HNF4G: variants seen among roughly 807,000 people sequenced by gnomAD.
HNF4G encodes hepatocyte nuclear factor 4-gamma.
A neutral mutation model predicts 50.9 loss-of-function variants in HNF4G; 21 were observed. The ratio of observed to expected loss-of-function variants is 0.41; its 90% confidence interval spans 0.29 to 0.59. The LOEUF (loss-of-function observed/expected upper bound fraction) is 0.59, where lower values mean the gene tolerates loss of function less well. HNF4G is among the 20% of genes least tolerant of loss of function. The pLI is 0.26. For synonymous variants in HNF4G, 198 were observed against 185.6 expected (o/e 1.07, Z -0.54); for missense variants, 527 against 559.4 (o/e 0.94, Z 0.58).
chr8:75,435,460 G>A (rs1173597640), intron 1 of HNF4G, among the ~76,000 whole-genome samples: 1 of 152,112 alleles, frequency 6.6e-6, no homozygotes, highest in East Asian at 1.9e-4. Flanking sequence ...ATTCCATGGT[G>A]AAACATTAAA....
intron 1 of HNF4G, among the ~76,000 whole-genome samples, chr8:75,425,377 C>T (rs371638161): frequency 1.3e-5 from 2 of 151,666 alleles, no homozygotes; most frequent in African/African-American, 4.8e-5. Flanking sequence ...AGCCACCGCG[C>T]CCAGCCCAAT....
At chr8:75,474,704 CAAATAAT>C (rs1221237986) in intron 1 of HNF4G, among the ~76,000 whole-genome samples, 4 of 151,884 alleles carry the variant, frequency 2.6e-5, no homozygotes, top group South Asian at 2.1e-4. Context: ...TTTTTTAATA[CAAATAAT>C]AAATATTATT....
intron 1 of HNF4G, among the ~76,000 whole-genome samples, chr8:75,440,435 C>T (rs1202176790): frequency 1.3e-5 from 2 of 152,172 alleles, no homozygotes; most frequent in South Asian, 4.1e-4. Context: ...TTAGCTTTAA[C>T]AACACCAACT....
chr8:75,429,646 C>T (rs531558475), intron 1 of HNF4G, among the ~76,000 whole-genome samples: 31 of 152,254 alleles, frequency 2.0e-4, no homozygotes, highest in East Asian at 5.8e-4. Flanking sequence ...AAGATCATGA[C>T]GTTTCATAAA....
intron 1 of HNF4G, among the ~76,000 whole-genome samples, chr8:75,475,064 A>G (rs1323174616): frequency 6.6e-6 from 1 of 151,270 alleles, no homozygotes; most frequent in South Asian, 2.1e-4. Context: ...GCTGGAGTGC[A>G]GTGGTGTGAT....
At chr8:75,466,549 T>C (rs1445057490) in intron 1 of HNF4G, among the ~76,000 whole-genome samples, 2 of 145,468 alleles carry the variant, frequency 1.4e-5, no homozygotes, top group Non-Finnish European at 3.0e-5. Context: ...CTCCTCCTCC[T>C]TCTTCTCTTC....
At position 75,558,930 on chromosome 8, in the gene HNF4G, T is replaced by A; in HGVS notation, c.1016T>A (p.Leu339Gln). ...AGGTTTGGAGAGTTGCTTCTGCTCCTGCCCACACTGCAGAGCATCACGTGG... is the reference window on the plus strand; with the variant it reads ...AGGTTTGGAGAGTTGCTTCTGCTCCAGCCCACACTGCAGAGCATCACGTGG... ...RGRFGELLLL[L>Q]PTLQSITWQM... Residue 339 changes from leucine (L) to glutamine (Q), a missense_variant, in exon 8 of 10, where the codon CTG becomes CAG. Transcript: ENST00000396423. The A allele has an allele frequency of 6.2e-7, 1 of 1,613,974 alleles. No individual in the cohort carries two copies. The highest frequency in any genetic ancestry group is 8.5e-7 in the Non-Finnish European group (1 of 1,179,848).
At chr8:75,420,980 G>C (rs942176360) in intron 1 of HNF4G, among the ~76,000 whole-genome samples, 2 of 152,190 alleles carry the variant, frequency 1.3e-5, no homozygotes, top group African/African-American at 4.8e-5. Flanking sequence ...ACTGGACAAT[G>C]AAAGTATAAT....
chr8:75,436,013 A>G (rs1032055177), intron 1 of HNF4G, among the ~76,000 whole-genome samples: 28 of 152,236 alleles, frequency 1.8e-4, no homozygotes, highest in African/African-American at 6.0e-4. Context: ...GCATTTGTAT[A>G]TATCAATAGT....
At chr8:75,476,252 G>T (rs2130645362) in intron 1 of HNF4G, among the ~76,000 whole-genome samples, 1 of 152,212 alleles carries the variant, frequency 6.6e-6, no homozygotes, top group African/African-American at 2.4e-5. Flanking sequence ...ACATACAGCT[G>T]CAAAATACAT....
intron 2 of HNF4G, among the ~76,000 whole-genome samples, chr8:75,499,678 A>T (rs1208875249): frequency 1.3e-5 from 2 of 152,052 alleles, no homozygotes; most frequent in Non-Finnish European, 2.9e-5. Flanking sequence ...GTACTAACAT[A>T]AGAATAGATA....
In HNF4G at chr8:75,499,282, T is replaced by G. The variant is rs182201296; in HGVS notation, c.-24+9074T>G. ...AATAAGAAAATAATTTCATTAACAA[T>G]AGCTTAAAAATAATAAAGTACTAAG... On this transcript the variant is annotated intron_variant, in intron 2 of 10. Transcript: ENST00000354370. Among the ~76,000 whole-genome samples the G allele has an allele frequency of 8.6e-5, 13 of 152,046 alleles. No individual in the cohort carries two copies. In the East Asian group the frequency reaches 2.3e-3, roughly 27 times the overall value.
At chr8:75,434,984 C>T (rs552017801) in intron 1 of HNF4G, among the ~76,000 whole-genome samples, 1 of 152,122 alleles carries the variant, frequency 6.6e-6, no homozygotes, top group Admixed American at 6.6e-5. Context: ...ATCTATCTAA[C>T]AGTTAAGGAA....
At chr8:75,508,788 G>A (rs561762546) in intron 2 of HNF4G, among the ~76,000 whole-genome samples, 3 of 152,266 alleles carry the variant, frequency 2.0e-5, no homozygotes, top group South Asian at 4.1e-4. Context: ...GAGGGGAAGA[G>A]ATGACTGACA....
intron 1 of HNF4G, among the ~76,000 whole-genome samples, chr8:75,475,608 A>G (rs574744050): frequency 1.4e-3 from 209 of 152,288 alleles, no homozygotes; most frequent in African/African-American, 4.7e-3. Context: ...TAAACATGTG[A>G]GGTTATAATT....
intron 2 of HNF4G, among the ~76,000 whole-genome samples, chr8:75,517,267 GC>G (rs1389693514): frequency 1.3e-5 from 2 of 152,006 alleles, no homozygotes; most frequent in African/African-American, 4.8e-5. Flanking sequence ...ATATCATTCT[GC>G]CCTGGCCTCT....
intron 3 of HNF4G, among the ~76,000 whole-genome samples, chr8:75,548,866 T>A (rs1806864318): frequency 6.6e-6 from 1 of 152,216 alleles, no homozygotes; most frequent in Non-Finnish European, 1.5e-5. Flanking sequence ...CCATTAGTTT[T>A]GCTCAGGTTG....
chr8:75,492,453 GCA>G (rs1812652819), intron 2 of HNF4G, among the ~76,000 whole-genome samples: 1 of 152,154 alleles, frequency 6.6e-6, no homozygotes, highest in African/African-American at 2.4e-5. Flanking sequence ...CAGATAAAAT[GCA>G]CAGTCTAAGC....
chr8:75,536,540 C>T (rs755315712), upstream of HNF4G, among the ~76,000 whole-genome samples: 23 of 151,942 alleles, frequency 1.5e-4, no homozygotes, highest in Non-Finnish European at 1.6e-4. Context: ...TGAAAGGCTG[C>T]TTGGCTAATA....
Sources: gnomAD v4.1 joint callset for allele counts (sites outside exome capture counted in the v4.1 genomes callset) on GRCh38, gnomAD v4.1.1 for gene constraint, MANE v1.5 for transcripts, NCBI Gene and HGNC (gene_info 2026-07-23, HGNC 2026-07-21) for gene names.